STAU1: variants seen among roughly 807,000 people sequenced by gnomAD.
The protein encoded by STAU1 is staufen double-stranded RNA binding protein 1.
A neutral mutation model predicts 62.9 loss-of-function variants in STAU1; 13 were observed. The observed-to-expected ratio is 0.21, with a 90% CI of 0.13 to 0.33. The LOEUF is 0.33. Among genes scored for constraint, STAU1 ranks in the 10% least tolerant of loss-of-function variants. STAU1 has a pLI of 1.00. For missense variants in STAU1, 571 were observed against 712.1 expected (o/e 0.80, Z 2.25); for synonymous variants, 269 against 265.1 (o/e 1.01, Z -0.14).
At chr20:49,148,639 A>C (rs1270322890) in intron 5 of STAU1, among the ~76,000 whole-genome samples, 2 of 152,246 alleles carry the variant, frequency 1.3e-5, no homozygotes, top group Non-Finnish European at 2.9e-5. Context: ...CATAGAGAAG[A>C]AACGCCAAAG....
At chr20:49,115,721 C>T (rs1265297448) in intron 13 of STAU1, 61 bp downstream of exon 13, 36 of 1,432,380 alleles carry the variant, frequency 2.5e-5, no homozygotes, top group Non-Finnish European at 3.3e-5. Context: ...AGTGTAAACT[C>T]AACACAAACG....
At chr20:49,201,569 C>T in the STAU1 span, among the ~76,000 whole-genome samples, 8 of 151,798 alleles carry the variant, frequency 5.3e-5, no homozygotes, top group African/African-American at 1.7e-4. Context: ...TGGCAAAACA[C>T]CATCTCTACT....
intron 1 of STAU1, among the ~76,000 whole-genome samples, chr20:49,184,901 G>T (rs2093769374): frequency 6.6e-6 from 1 of 152,114 alleles, no homozygotes; most frequent in South Asian, 2.1e-4. Context: ...AGACCTAAAA[G>T]CTGAAAACTA....
At chr20:49,148,247 A>C (rs1270739204) in intron 5 of STAU1, among the ~76,000 whole-genome samples, 1 of 152,222 alleles carries the variant, frequency 6.6e-6, no homozygotes, top group Non-Finnish European at 1.5e-5. Context: ...ACACAATGCC[A>C]CAAGTGGAAA....
At chr20:49,121,916 G>A (rs974688825) in intron 8 of STAU1, among the ~76,000 whole-genome samples, 14 of 152,172 alleles carry the variant, frequency 9.2e-5, no homozygotes, top group African/African-American at 3.4e-4. Context: ...ACAAGACTCA[G>A]AGAGTCAAAG....
the STAU1 span, chr20:49,210,501 T>C: frequency 2.2e-6 from 1 of 455,996 alleles, no homozygotes; most frequent in Non-Finnish European, 4.4e-6. Flanking sequence ...TCCTTGTTTC[T>C]GGTAGTGGTG....
At position 49,117,383 on chromosome 20, in the gene STAU1, A is replaced by C; in HGVS notation, c.1510-135T>G. On this transcript the variant is annotated intron_variant, in intron 11 of 13. Coordinates refer to ENST00000371856, the MANE Select transcript of STAU1 (RefSeq NM_017453.4). The surrounding 1 kb of genome is among the most constrained non-coding windows in gnomAD (Gnocchi z 4.6). ...TCAGCCCCACTGTGGCCATACTAAC[A>C]CCTGCCCTGTCAGCCCAGAACCTTC... 9.1e-7 allele frequency: 1 copy of C among 1,102,820 alleles called. No individual in the cohort carries two copies. Among genetic ancestry groups the C allele is most frequent in the Non-Finnish European group, 1.3e-6 (1 of 765,770 alleles). 68.3% of individuals were successfully genotyped at this position (1,102,820 alleles called of 1,614,324 possible).
intron 6 of STAU1, among the ~76,000 whole-genome samples, chr20:49,133,913 A>G (rs1398846686): frequency 6.6e-6 from 1 of 152,210 alleles, no homozygotes; most frequent in Non-Finnish European, 1.5e-5. Context: ...TCACTCGGCC[A>G]AAGGATGGAG....
chr20:49,134,773 G>A (rs956817659), intron 6 of STAU1: 8 of 1,180,894 alleles, frequency 6.8e-6, no homozygotes, highest in Non-Finnish European at 8.9e-6. Context: ...TGTATACACT[G>A]GGAATCATTA....
Position 49,117,936 on chromosome 20 carries a change from C to T in STAU1, c.1350G>A (p.Thr450=), listed in dbSNP as rs374676040. The T allele has an allele frequency of 6.8e-6, 11 of 1,614,012 alleles. No individual in the cohort carries two copies. The highest frequency in any genetic ancestry group is 2.7e-5 in the African/African-American group (2 of 74,910). The change falls in exon 11 of 14, where the codon ACG becomes ACA. Residue 450 remains threonine (T), a synonymous_variant. Transcript: ENST00000371856. The surrounding 1 kb of genome is among the most constrained non-coding windows in gnomAD (Gnocchi z 4.6). ...TRAAPNPAKA[T]VTAMIARELL... is the part of the protein sequence containing the mutation. ...ACTCTCGGGCTATCATGGCAGTTACCGTGGCCTTGGCAGGATTCGGAGCTG... is the reference window on the plus strand; with the variant it reads ...ACTCTCGGGCTATCATGGCAGTTACTGTGGCCTTGGCAGGATTCGGAGCTG...
Position 49,135,915 on chromosome 20 carries a change from G to C in STAU1, c.527C>G (p.Ser176Cys). 6.2e-7 allele frequency: 1 copy of C among 1,613,308 alleles called. No individual in the cohort carries two copies. The highest frequency in any genetic ancestry group is 8.5e-7 in the Non-Finnish European group (1 of 1,179,590). The change falls in exon 6 of 14, where the codon TCC becomes TGC. Residue 176 changes from serine to cysteine, a missense_variant. Around this residue, in one of 3 missense-constraint regions of STAU1, gnomAD observed 414 missense variants for 499.6 expected, o/e 0.83. Coordinates refer to ENST00000371856, the MANE Select transcript of STAU1 (RefSeq NM_017453.4). Reference sequence around the variant, plus strand: ...AGATTTATTGAGATTTTCTTCTTCGGATTCTCTTCCATTCACCTGTAAGAA... The same window carrying C: ...AGATTTATTGAGATTTTCTTCTTCGCATTCTCTTCCATTCACCTGTAAGAA... ...PERLEVNGRE[S>C]EEENLNKSEI...
chr20:49,182,845 AAAAAAAAAAAT>A (rs1342838899), intron 1 of STAU1, among the ~76,000 whole-genome samples: 1 of 151,982 alleles, frequency 6.6e-6, no homozygotes. Flanking sequence ...TCTCAAAAAA[AAAAAAAAAAAT>A]AGTAGACGGT....
At chr20:49,187,031 C>G (rs1182750335) in intron 1 of STAU1, among the ~76,000 whole-genome samples, 1 of 152,032 alleles carries the variant, frequency 6.6e-6, no homozygotes, top group Non-Finnish European at 1.5e-5. Context: ...ATAAGCAAAG[C>G]TTCCGTGAAA....
chr20:49,148,762 T>C (rs569018242), intron 5 of STAU1, among the ~76,000 whole-genome samples: 1 of 152,374 alleles, frequency 6.6e-6, no homozygotes, highest in African/African-American at 2.4e-5. Context: ...CCCTCAGGAC[T>C]GTGCCAACCA....
At chr20:49,158,978 C>T (rs780716795) in intron 3 of STAU1, 72 of 1,301,400 alleles carry the variant, frequency 5.5e-5, no homozygotes, top group Non-Finnish European at 7.0e-5. Context: ...CAGGGGTCTC[C>T]TTTATTATAT....
intron 5 of STAU1, among the ~76,000 whole-genome samples, chr20:49,139,634 G>A (rs1029601976): frequency 2.6e-5 from 4 of 151,818 alleles, no homozygotes; most frequent in East Asian, 1.9e-4. Context: ...GCTGAGGCAG[G>A]AGAATCACTT....
Position 49,180,985 on chromosome 20 carries a change from A to G in STAU1, c.-159-6716T>C, listed in dbSNP as rs1770876006. Reference sequence around the variant, plus strand: ...CAAAGCATGGTTCAGTGGAAAGAACACTGACTTTGGAGCCAGACCAGCCTG... The same window carrying G: ...CAAAGCATGGTTCAGTGGAAAGAACGCTGACTTTGGAGCCAGACCAGCCTG... On this transcript the variant is annotated intron_variant, in intron 1 of 13. Coordinates refer to ENST00000371856, the MANE Select transcript of STAU1 (RefSeq NM_017453.4). Among the ~76,000 whole-genome samples the G allele has an allele frequency of 1.3e-5, 2 of 152,156 alleles. 1 individual carries two copies. Among genetic ancestry groups the G allele is most frequent in the South Asian group, 4.1e-4 (2 of 4,830 alleles).
At chr20:49,200,694 C>G in the STAU1 span, among the ~76,000 whole-genome samples, 1 of 151,830 alleles carries the variant, frequency 6.6e-6, no homozygotes, top group Non-Finnish European at 1.5e-5. Context: ...AACTTAGACC[C>G]AAAAGCCCCC....
rs2092546835 is a variant in STAU1, at chr20:49,124,535, G to A, written c.662C>T (p.Ser221Leu). Residue 221 changes from serine (S) to leucine (L), a missense_variant, in exon 7 of 14, where the codon TCG (serine) becomes TTG (leucine). By Grantham distance (145) the Ser-to-Leu change is moderately radical (BLOSUM62 -2). Around this residue, in one of 3 missense-constraint regions of STAU1, gnomAD observed 414 missense variants for 499.6 expected, o/e 0.83. Coordinates refer to ENST00000371856, the MANE Select transcript of STAU1 (RefSeq NM_017453.4). ...PHMKNFVTKV[S>L]VGEFVGEGEG... ...ACCTTCCCCCACAAACTCCCCAACCGAAACCTTGGTCACAAAGTTCTTCAT... is the reference window on the plus strand; with the variant it reads ...ACCTTCCCCCACAAACTCCCCAACCAAAACCTTGGTCACAAAGTTCTTCAT... 4.3e-6 allele frequency: 7 copies of A among 1,613,870 alleles called. No homozygotes were observed. The highest frequency in any genetic ancestry group is 2.2e-5 in the East Asian group (1 of 44,860).
Sources: gnomAD v4.1 joint callset for allele counts (sites outside exome capture counted in the v4.1 genomes callset) on GRCh38, gnomAD v4.1.1 for gene constraint, gnomAD v4.1.1 regional missense constraint, Gnocchi (gnomAD v3.1) non-coding constraint, MANE v1.5 for transcripts, NCBI Gene and HGNC (gene_info 2026-07-23, HGNC 2026-07-21) for gene names.